Variants in MRPS27 observed in about 807,000 individuals in gnomAD.
The protein encoded by MRPS27 is mitochondrial ribosomal protein S27.
Under a neutral mutation model 48.9 loss-of-function variants are expected in MRPS27, and 43 were observed. The ratio of observed to expected loss-of-function variants is 0.88; its 90% CI spans 0.69 to 1.13. MRPS27 has a LOEUF of 1.13. MRPS27 is among the 50% of genes most tolerant of loss of function. The probability of loss-of-function intolerance (pLI) is 0.00; values close to 1 mark genes in which losing one functional copy is unlikely to be tolerated. For synonymous variants in MRPS27, 188 were observed against 171.9 expected (o/e 1.09, Z -0.73); for missense variants, 467 against 476.3 (o/e 0.98, Z 0.18).
chr5:72,258,458 G>A (rs1748871718), intron 4 of MRPS27, among the ~76,000 whole-genome samples: 1 of 152,156 alleles, frequency 6.6e-6, no homozygotes, highest in African/African-American at 2.4e-5. Flanking sequence ...TGGTTTGAAT[G>A]TTTTTGTTCT....
chr5:72,316,214 G>A (rs762529434), intron 1 of MRPS27, among the ~76,000 whole-genome samples: 5 of 152,236 alleles, frequency 3.3e-5, no homozygotes, highest in Non-Finnish European at 5.9e-5. Context: ...GGCTAAAGGT[G>A]AGGATCAGGA....
intron 2 of MRPS27, among the ~76,000 whole-genome samples, chr5:72,305,402 A>C (rs1156719369): frequency 1.3e-5 from 2 of 152,248 alleles, no homozygotes; most frequent in Non-Finnish European, 2.9e-5. Flanking sequence ...TCTACAGCTG[A>C]AATGACACAG....
intron 5 of MRPS27, among the ~76,000 whole-genome samples, chr5:72,234,696 G>C (rs1354612050): frequency 6.6e-6 from 1 of 152,062 alleles, no homozygotes; most frequent in East Asian, 1.9e-4. Flanking sequence ...TCATACAACT[G>C]AATACTTGAG....
chr5:72,261,170 A>G (rs1255941055), intron 4 of MRPS27, among the ~76,000 whole-genome samples: 1 of 152,120 alleles, frequency 6.6e-6, no homozygotes, highest in African/African-American at 2.4e-5. Context: ...GCCAATCACT[A>G]CATTTAAATG....
At chr5:72,281,190 A>C (rs1390794853) in intron 4 of MRPS27, among the ~76,000 whole-genome samples, 1 of 152,242 alleles carries the variant, frequency 6.6e-6, no homozygotes, top group Non-Finnish European at 1.5e-5. Context: ...GTTACAATCT[A>C]GTATAGTCAA....
chr5:72,239,024 T>C (rs1157534668), intron 4 of MRPS27, among the ~76,000 whole-genome samples: 2 of 152,142 alleles, frequency 1.3e-5, no homozygotes, highest in East Asian at 3.8e-4. Context: ...TGGACCCTCA[T>C]ATGCTATACT....
At chr5:72,284,469 T>C (rs1489173159) in intron 4 of MRPS27, among the ~76,000 whole-genome samples, 1 of 150,124 alleles carries the variant, frequency 6.7e-6, no homozygotes, top group Non-Finnish European at 1.5e-5. Flanking sequence ...CTTCTGTGTG[T>C]GTGTGTGAGA....
At position 72,237,952 on chromosome 5, in the gene MRPS27, G is replaced by A. The variant is rs1035750070; in HGVS notation, c.396+62C>T. The A allele has an allele frequency of 5.1e-6, 6 of 1,179,630 alleles. No individual in the cohort carries two copies. In the African/African-American group the frequency reaches 9.1e-5, roughly 18 times the overall value. The allele number at this position is 1,179,630 out of a possible 1,614,324, so 73.1% of individuals were successfully genotyped here. Reference sequence around the variant, plus strand: ...TGTTATTCTTTGCTGTACTACAATAGGTACAAACACCATATCACCTAAACT... The same window carrying A: ...TGTTATTCTTTGCTGTACTACAATAAGTACAAACACCATATCACCTAAACT... On this transcript the variant is annotated intron_variant, in intron 5 of 10. Transcript: ENST00000261413.
chr5:72,306,806 C>T (rs763281673), intron 2 of MRPS27, among the ~76,000 whole-genome samples: 15 of 151,956 alleles, frequency 9.9e-5, no homozygotes, highest in Admixed American at 2.6e-4. Flanking sequence ...AAAAAAACCC[C>T]GATAATTAAG....
chr5:72,257,704 T>C (rs1561342242), intron 4 of MRPS27, among the ~76,000 whole-genome samples: 1 of 152,144 alleles, frequency 6.6e-6, no homozygotes, highest in Non-Finnish European at 1.5e-5. Context: ...AGAGCAGGGA[T>C]TTTAAAAATG....
intron 9 of MRPS27, among the ~76,000 whole-genome samples, chr5:72,224,183 G>C (rs1399488788): frequency 1.3e-5 from 2 of 150,792 alleles, no homozygotes; most frequent in Non-Finnish European, 2.9e-5. Context: ...GGCAACACAG[G>C]GAGACTCCAT....
chr5:72,238,212 A>T (rs1748256089), intron 4 of MRPS27, 84 bp from the exon 5 acceptor site: 1 of 861,246 alleles, frequency 1.2e-6, no homozygotes, highest in South Asian at 1.5e-5. Flanking sequence ...CTTCTCTTAG[A>T]TACTTACAGA....
intron 4 of MRPS27, among the ~76,000 whole-genome samples, chr5:72,293,718 A>T (rs1749900596): frequency 1.3e-5 from 2 of 152,238 alleles, no homozygotes; most frequent in African/African-American, 2.4e-5. Context: ...AATCAATTTG[A>T]TGCTACAGAA....
chr5:72,308,650 C>A (rs1750351005), intron 2 of MRPS27, among the ~76,000 whole-genome samples: 2 of 152,246 alleles, frequency 1.3e-5, no homozygotes, highest in South Asian at 4.1e-4. Context: ...TGCGGCCTCC[C>A]TGCTAAGTGC....
At position 72,303,392 on chromosome 5, in the gene MRPS27, G is replaced by A. The variant is rs140743256; in HGVS notation, c.152-5690C>T. On this transcript the variant is annotated intron_variant, in intron 2 of 10. Coordinates refer to ENST00000261413, the MANE Select transcript of MRPS27 (RefSeq NM_015084.3). The stretch of plus-strand genomic sequence containing the variant: ...GAACTGAAAGGCAGATAATTACACA[G>A]AATGCTGCAAAGATAAAAATGAGAA... Among the ~76,000 whole-genome samples, 583 of 152,278 alleles carry A rather than the reference G, an allele frequency of 3.8e-3. 5 individuals carry two copies. Among genetic ancestry groups the A allele is most frequent in the Non-Finnish European group, 5.9e-3 (401 of 68,020 alleles).
chr5:72,276,019 A>ATG (rs1010919437), intron 4 of MRPS27, among the ~76,000 whole-genome samples: 27 of 147,566 alleles, frequency 1.8e-4, no homozygotes, highest in African/African-American at 3.9e-4. Context: ...AAGGAGAAAA[A>ATG]TGTGTGTGTG....
chr5:72,294,404 A>C (rs1749922528), intron 4 of MRPS27: 1 of 152,186 alleles, frequency 6.6e-6, no homozygotes, highest in Admixed American at 6.5e-5. Context: ...ATCAAATGGG[A>C]AACTCTAATG....
At chr5:72,275,803 C>G (rs1028355904) in intron 4 of MRPS27, among the ~76,000 whole-genome samples, 3 of 152,102 alleles carry the variant, frequency 2.0e-5, no homozygotes, top group African/African-American at 4.8e-5. Flanking sequence ...TTAAACTAAT[C>G]CCGGTTGGCT....
At chr5:72,235,419 T>C (rs1039051577) in intron 5 of MRPS27, among the ~76,000 whole-genome samples, 5 of 152,116 alleles carry the variant, frequency 3.3e-5, no homozygotes, top group South Asian at 2.1e-4. Flanking sequence ...GATACTACAA[T>C]GGTGGATACA....
Sources: allele counts gnomAD v4.1 joint callset (sites outside exome capture counted in the v4.1 genomes callset), GRCh38; gene constraint gnomAD v4.1.1; transcripts MANE v1.5; gene names NCBI Gene and HGNC (gene_info 2026-07-23, HGNC 2026-07-21).